AP3S2: variants seen among roughly 807,000 people sequenced by gnomAD.
The protein encoded by AP3S2 is AP-3 complex subunit sigma-2.
A neutral mutation model predicts 23.4 loss-of-function variants in AP3S2; 22 were observed. The ratio of observed to expected loss-of-function variants is 0.94; its 90% confidence interval spans 0.67 to 1.34. AP3S2 has a LOEUF of 1.34. Among genes scored for constraint, AP3S2 ranks in the 40% most tolerant of loss-of-function variants. The pLI, the probability that AP3S2 is intolerant of heterozygous loss-of-function variation, is 0.00. For missense variants in AP3S2, 241 were observed against 236.9 expected (o/e 1.02, Z -0.11); for synonymous variants, 86 against 87.1 (o/e 0.99, Z 0.07).
rs561383338 is a variant in AP3S2 at position 89,833,642 on chromosome 15, A to T, written c.*1873T>A. 1 of 152,362 alleles carries T rather than the reference A, an allele frequency of 6.6e-6. No homozygotes were observed. The highest frequency in any genetic ancestry group is 2.4e-5 in the African/African-American group (1 of 41,592). The allele number at this position is 152,362 out of a possible 1,614,324, so 9.4% of individuals were successfully genotyped here. ...TGAATGTACTGAAATGTCTGCCAGA[A>T]AAAAGAAAATCCAACCCCTCAAAAG... On this transcript the variant is annotated 3_prime_UTR_variant, in exon 6 of 6. Coordinates refer to ENST00000336418, the MANE Select transcript of AP3S2 (RefSeq NM_005829.5).
chr15:89,885,723 C>T (rs1896682523), intron 3 of AP3S2, among the ~76,000 whole-genome samples: 1 of 151,742 alleles, frequency 6.6e-6, no homozygotes, highest in African/African-American at 2.4e-5. Context: ...GGGAAGACTG[C>T]CTGAGCTGAG....
chr15:89,876,038 G>A (rs1028484814), intron 3 of AP3S2, among the ~76,000 whole-genome samples: 4 of 152,174 alleles, frequency 2.6e-5, no homozygotes, highest in African/African-American at 9.7e-5. Context: ...TACAGGTCTC[G>A]TGAAAGGCAT....
At chr15:89,881,873 C>T (rs573940378) in intron 3 of AP3S2, among the ~76,000 whole-genome samples, 71 of 150,690 alleles carry the variant, frequency 4.7e-4, no homozygotes, top group Non-Finnish European at 8.1e-4. Flanking sequence ...CAGGCTGGAG[C>T]GCAATGGCAC....
rs1895094138 is a variant in AP3S2, at chr15:89,832,273, T to C, written c.*3242A>G. The C allele has an allele frequency of 6.6e-6, 1 of 151,894 alleles. No homozygotes were observed. Among genetic ancestry groups the C allele is most frequent in the Non-Finnish European group, 1.5e-5 (1 of 68,010 alleles). The allele number at this position is 151,894 out of a possible 1,614,324, so 9.4% of individuals were successfully genotyped here. ...CAGCCTGTGCAACATAGTGAGACCT[T>C]ATTCTACTAAAAAAATAAAACTAGC... On this transcript the variant is annotated 3_prime_UTR_variant, in exon 6 of 6. Coordinates refer to ENST00000336418, the MANE Select transcript of AP3S2 (RefSeq NM_005829.5).
chr15:89,867,374 C>T (rs912557860), intron 4 of AP3S2, among the ~76,000 whole-genome samples: 1 of 151,602 alleles, frequency 6.6e-6, no homozygotes, highest in African/African-American at 2.4e-5. Context: ...ACCTACACCT[C>T]CCAGCCGCCT....
At chr15:89,870,907 G>A (rs3803532) in intron 4 of AP3S2, among the ~76,000 whole-genome samples, 1,611 of 152,340 alleles carry the variant, frequency 0.011, 19 homozygotes, top group East Asian at 0.016. Context: ...TGAGGACATA[G>A]GCCATGTCAC....
chr15:89,887,379 A>T (rs560444348), intron 3 of AP3S2, among the ~76,000 whole-genome samples: 14 of 136,250 alleles, frequency 1.0e-4, no homozygotes, highest in South Asian at 4.5e-4. Flanking sequence ...TTTTATTATT[A>T]TTTTTTTTTT....
At chr15:89,874,592 T>C (rs901910118) in intron 3 of AP3S2, among the ~76,000 whole-genome samples, 5 of 151,990 alleles carry the variant, frequency 3.3e-5, no homozygotes, top group African/African-American at 1.2e-4. Context: ...CTGGGCAACA[T>C]AGCAAAACAT....
intron 4 of AP3S2, chr15:89,865,646 G>T (rs1896100275): frequency 6.6e-6 from 1 of 152,180 alleles, no homozygotes; most frequent in Non-Finnish European, 1.5e-5. Flanking sequence ...TCCTTCTAGA[G>T]GCCTGTTTCT....
At chr15:89,866,764 G>A (rs1234788781) in intron 4 of AP3S2, among the ~76,000 whole-genome samples, 3 of 151,298 alleles carry the variant, frequency 2.0e-5, no homozygotes, top group East Asian at 3.9e-4. Flanking sequence ...CACCGCACCC[G>A]GCCCCTAGAC....
intron 4 of AP3S2, among the ~76,000 whole-genome samples, chr15:89,868,781 C>A (rs1896233396): frequency 8.5e-6 from 1 of 117,478 alleles, no homozygotes; most frequent in African/African-American, 3.6e-5. Flanking sequence ...AAGTGAGGAG[C>A]CCCTCTGCCC....
At chr15:89,840,229 C>G (rs1457407514) in intron 4 of AP3S2, among the ~76,000 whole-genome samples, 1 of 152,088 alleles carries the variant, frequency 6.6e-6, no homozygotes, top group East Asian at 1.9e-4. Flanking sequence ...ACATATTTTA[C>G]CACAATTTAA....
intron 4 of AP3S2, chr15:89,848,737 T>C (rs1373651726): frequency 6.6e-6 from 1 of 152,214 alleles, no homozygotes; most frequent in Non-Finnish European, 1.5e-5. Context: ...CATCATTTTC[T>C]TGTCTATACT....
chr15:89,848,841 T>C (rs141190357), intron 4 of AP3S2: 2 of 152,332 alleles, frequency 1.3e-5, no homozygotes, highest in Non-Finnish European at 2.9e-5. Context: ...AGAGTCATCT[T>C]GGCCCAGAGT....
At chr15:89,885,167 T>C (rs897971252) in intron 3 of AP3S2, among the ~76,000 whole-genome samples, 1 of 151,998 alleles carries the variant, frequency 6.6e-6, no homozygotes, top group African/African-American at 2.4e-5. Context: ...TCAGTGCCTT[T>C]ATGTTGACCT....
At chr15:89,836,376 T>A (rs900769783) in intron 5 of AP3S2, among the ~76,000 whole-genome samples, 1 of 152,142 alleles carries the variant, frequency 6.6e-6, no homozygotes, top group Non-Finnish European at 1.5e-5. Context: ...GACCAAAGAC[T>A]CTTATTGAAA....
intron 4 of AP3S2, among the ~76,000 whole-genome samples, chr15:89,849,432 T>C (rs946195982): frequency 1.3e-5 from 2 of 152,120 alleles, no homozygotes; most frequent in African/African-American, 4.8e-5. Context: ...AGTGGCACGA[T>C]CTAGGCTTAC....
rs756912589 is a variant in AP3S2 at position 89,893,886 on chromosome 15, G to T, written c.64C>A (p.Arg22Ser). The T allele has an allele frequency of 1.2e-4, 179 of 1,551,712 alleles. 1 individual carries two copies. The South Asian group carries it at 1.7e-3, about 14-fold the overall frequency. Residue 22 changes from arginine (R) to serine (S), a missense_variant, in exon 1 of 6, where the codon CGT becomes AGT. Physicochemically the swap from Arg to Ser is moderately radical, Grantham distance 110 (BLOSUM62 -1). Transcript: ENST00000336418. Reference protein sequence around the residue: ...GKPRLVRFYQRFPEEIQQQIV... With the variant: ...GKPRLVRFYQSFPEEIQQQIV... ...TGAAGCCGGGCCGCACTCACGAAAC[G>T]CTGGTAGAAGCGGACTAGCCGTGGC...
At chr15:89,885,785 C>G (rs995635988) in intron 3 of AP3S2, among the ~76,000 whole-genome samples, 1 of 151,456 alleles carries the variant, frequency 6.6e-6, no homozygotes, top group South Asian at 2.1e-4. Context: ...CTAAAAAATT[C>G]AAAAAATTAG....
Sources: gnomAD v4.1 joint callset for allele counts (sites outside exome capture counted in the v4.1 genomes callset) on GRCh38, gnomAD v4.1.1 for gene constraint, MANE v1.5 for transcripts, NCBI Gene and HGNC (gene_info 2026-07-23, HGNC 2026-07-21) for gene names.